Variants in RIT2 observed in about 807,000 individuals in gnomAD.
RIT2 encodes Ras like without CAAX 2, also known as GTP-binding protein Rit2.
Under a neutral mutation model 23.7 loss-of-function variants are expected in RIT2, and 24 were observed. That is an observed-to-expected ratio of 1.01 (90% CI 0.73 to 1.43). RIT2 has a LOEUF of 1.43. Ranked by LOEUF, RIT2 falls within the 40% of genes most tolerant of loss-of-function variation. The probability of loss-of-function intolerance (pLI) is 0.00; values close to 1 mark genes in which losing one functional copy is unlikely to be tolerated. For missense variants in RIT2, 236 were observed against 266.9 expected (o/e 0.88, Z 0.81); for synonymous variants, 107 against 91.1 (o/e 1.17, Z -0.99).
At chr18:42,838,584 A>T (rs1906680084) in intron 4 of RIT2, among the ~76,000 whole-genome samples, 1 of 152,036 alleles carries the variant, frequency 6.6e-6, no homozygotes, top group Admixed American at 6.6e-5. Flanking sequence ...AGGTCAAATG[A>T]CTCGTCCCTG....
At chr18:42,879,725 T>C (rs1321480563) in intron 4 of RIT2, among the ~76,000 whole-genome samples, 1 of 152,144 alleles carries the variant, frequency 6.6e-6, no homozygotes, top group East Asian at 1.9e-4. Context: ...CCTCAAATGA[T>C]AGGTCACCCA....
At chr18:42,889,421 G>A (rs1908113189) in intron 4 of RIT2, among the ~76,000 whole-genome samples, 1 of 151,846 alleles carries the variant, frequency 6.6e-6, no homozygotes, top group African/African-American at 2.4e-5. Context: ...TAAAACTATA[G>A]GAAAATTGGG....
intron 2 of RIT2, among the ~76,000 whole-genome samples, chr18:42,981,492 T>A (rs1410258381): frequency 6.6e-6 from 1 of 152,218 alleles, no homozygotes; most frequent in African/African-American, 2.4e-5. Flanking sequence ...TGATTTATAC[T>A]AAGACTGCTA....
intron 4 of RIT2, among the ~76,000 whole-genome samples, chr18:42,903,345 A>C (rs929011901): frequency 6.6e-6 from 1 of 152,140 alleles, no homozygotes; most frequent in Non-Finnish European, 1.5e-5. Context: ...TCTTAAGCAC[A>C]CAAAATATTT....
rs756725926 is a variant in RIT2, at chr18:42,856,827, CTTTTTT to C, written c.426+66739_426+66744del. 2.6e-5 allele frequency among the ~76,000 whole-genome samples: 3 copies of C among 114,656 alleles called. No individual in the cohort carries two copies. In the East Asian group the frequency reaches 8.3e-4, roughly 32 times the overall value. The allele number at this position is 114,656 out of a possible 152,430, so 75.2% of individuals were successfully genotyped here. On this transcript the variant is annotated intron_variant, in intron 4 of 4. Coordinates refer to ENST00000326695, the MANE Select transcript of RIT2 (RefSeq NM_002930.4). ...AAGTCTTTTTCTTTTCTCTCTCTCT[CTTTTTT>C]TTTTTTTTTTTTTTGAGACGGAGTT...
intron 2 of RIT2, among the ~76,000 whole-genome samples, chr18:42,989,903 G>C (rs1910799159): frequency 6.6e-6 from 1 of 151,922 alleles, no homozygotes; most frequent in Admixed American, 6.6e-5. Context: ...TTTTGTACTA[G>C]TCAGGGTTAT....
chr18:42,917,342 T>C (rs901568494), intron 4 of RIT2, among the ~76,000 whole-genome samples: 3 of 152,072 alleles, frequency 2.0e-5, no homozygotes, highest in African/African-American at 7.2e-5. Flanking sequence ...GGACACCCAC[T>C]GGATTGTGTG....
intron 3 of RIT2, among the ~76,000 whole-genome samples, chr18:42,953,384 T>G (rs1258069817): frequency 1.3e-5 from 2 of 152,014 alleles, no homozygotes; most frequent in Non-Finnish European, 2.9e-5. Flanking sequence ...ATGGAAAAAA[T>G]GAGCCATCTC....
At chr18:43,073,271 G>A (rs138816338) in intron 1 of RIT2, among the ~76,000 whole-genome samples, 77 of 152,226 alleles carry the variant, frequency 5.1e-4, no homozygotes, top group East Asian at 2.9e-3. Flanking sequence ...CTTGTTTGCC[G>A]TTTATGTTGT....
At chr18:43,024,401 T>C (rs901419492) in intron 2 of RIT2, among the ~76,000 whole-genome samples, 3 of 152,008 alleles carry the variant, frequency 2.0e-5, no homozygotes, top group Admixed American at 2.0e-4. Flanking sequence ...ATACAAATAT[T>C]AACTCAAGAT....
At chr18:43,002,017 C>T (rs1911118852) in intron 2 of RIT2, among the ~76,000 whole-genome samples, 1 of 151,924 alleles carries the variant, frequency 6.6e-6, no homozygotes, top group African/African-American at 2.4e-5. Flanking sequence ...TATTGGCTCA[C>T]ACAAGCCCAA....
chr18:42,945,973 T>G (rs1909718959), intron 3 of RIT2, among the ~76,000 whole-genome samples: 1 of 152,130 alleles, frequency 6.6e-6, no homozygotes, highest in Non-Finnish European at 1.5e-5. Context: ...TTGGCTAATG[T>G]TTTTTGTTGT....
chr18:43,066,829 C>T (rs1385926402), intron 1 of RIT2, among the ~76,000 whole-genome samples: 1 of 151,718 alleles, frequency 6.6e-6, no homozygotes, highest in Non-Finnish European at 1.5e-5. Flanking sequence ...GAAGAAAGGA[C>T]AGCATGGATC....
chr18:42,977,052 G>C (rs1302681316), intron 2 of RIT2, among the ~76,000 whole-genome samples: 1 of 151,968 alleles, frequency 6.6e-6, no homozygotes, highest in African/African-American at 2.4e-5. Flanking sequence ...GGAGGCAGAA[G>C]GATAACCACA....
At chr18:42,904,400 T>C (rs1908557258) in intron 4 of RIT2, among the ~76,000 whole-genome samples, 1 of 152,142 alleles carries the variant, frequency 6.6e-6, no homozygotes. Context: ...TGTCAGGTAT[T>C]AGTCCTAAGC....
At chr18:43,026,630 AAGAAAG>A (rs1304436161) in intron 2 of RIT2, among the ~76,000 whole-genome samples, 17 of 94,572 alleles carry the variant, frequency 1.8e-4, no homozygotes, top group South Asian at 1.1e-3. Context: ...GAAAGAAAGA[AAGAAAG>A]AGAGAAAGAA....
chr18:43,101,966 A>G (rs1913695217), intron 1 of RIT2, among the ~76,000 whole-genome samples: 1 of 152,212 alleles, frequency 6.6e-6, no homozygotes, highest in South Asian at 2.1e-4. Flanking sequence ...CCTAGATAGT[A>G]AAGTTGTTTT....
intron 3 of RIT2, among the ~76,000 whole-genome samples, chr18:42,969,044 A>T (rs1910302802): frequency 6.6e-6 from 1 of 152,080 alleles, no homozygotes; most frequent in South Asian, 2.1e-4. Flanking sequence ...ATCGACTCTT[A>T]CTTAGTAAGT....
intron 4 of RIT2, among the ~76,000 whole-genome samples, chr18:42,797,536 A>C (rs947399038): frequency 3.9e-5 from 6 of 152,138 alleles, no homozygotes; most frequent in Non-Finnish European, 7.4e-5. Flanking sequence ...ATTATTTGCA[A>C]ACTTGGGCAT....
Sources: allele counts gnomAD v4.1 joint callset (sites outside exome capture counted in the v4.1 genomes callset), GRCh38; gene constraint gnomAD v4.1.1; transcripts MANE v1.5; gene names NCBI Gene and HGNC (gene_info 2026-07-23, HGNC 2026-07-21).